Variants in LAMB3 observed in about 807,000 individuals in gnomAD.
LAMB3 encodes laminin subunit beta-3.
LAMB3 carries 104 observed loss-of-function variants against 140.3 expected under a neutral mutation model. The observed-to-expected ratio is 0.74, with a 90% CI of 0.63 to 0.87. The LOEUF (loss-of-function observed/expected upper bound fraction) is 0.87. LAMB3 is among the 40% of genes least tolerant of loss of function. The pLI, the probability that LAMB3 is intolerant of heterozygous loss-of-function variation, is 0.00. For missense variants in LAMB3, 1,531 were observed against 1,575.2 expected (o/e 0.97, Z 0.47); for synonymous variants, 592 against 602.9 (o/e 0.98, Z 0.26).
At chr1:209,615,955 T>C (rs975196456) in intron 22 of LAMB3, among the ~76,000 whole-genome samples, 1 of 152,096 alleles carries the variant, frequency 6.6e-6, no homozygotes, top group Admixed American at 6.5e-5. Flanking sequence ...TCTTCTCCTG[T>C]CCCTATGTCA....
intron 22 of LAMB3, 27 bp downstream of exon 22, chr1:209,616,444 G>A (rs1446124050): frequency 1.2e-6 from 2 of 1,613,614 alleles, no homozygotes; most frequent in Middle Eastern, 1.7e-4. Context: ...ATGCCCAATA[G>A]TCCATGCCCC....
chr1:209,618,155 G>A, intron 19 of LAMB3, 107 bp from the exon 20 acceptor site: 1 of 1,411,404 alleles, frequency 7.1e-7, no homozygotes, highest in Non-Finnish European at 9.9e-7. Context: ...TCCCAGCCAA[G>A]GCAAAGAGCA....
At chr1:209,621,375 T>C (rs1388279462) in intron 18 of LAMB3, among the ~76,000 whole-genome samples, 1 of 152,210 alleles carries the variant, frequency 6.6e-6, no homozygotes, top group African/African-American at 2.4e-5. Context: ...ATGCAAGTCA[T>C]GAGACCTCAG....
intron 22 of LAMB3, among the ~76,000 whole-genome samples, chr1:209,615,825 G>A (rs183517376): frequency 1.4e-4 from 22 of 152,250 alleles, no homozygotes; most frequent in African/African-American, 4.8e-4. Context: ...CAAAGCCCTT[G>A]GATGTGCCCT....
chr1:209,629,606 C>A (rs1666599272), intron 10 of LAMB3, 131 bp downstream of exon 10: 8 of 817,930 alleles, frequency 9.8e-6, no homozygotes, highest in Non-Finnish European at 1.3e-5. Context: ...TCCCACAAAT[C>A]CTGACTCACA....
rs113874240 is a variant in LAMB3, at chr1:209,645,722, G to GGAAA, written c.183+4241_183+4242insTTTC. On this transcript the variant is annotated intron_variant, in intron 3 of 22. Transcript: ENST00000356082. ...CAGAGCAAGACTCTGTGTCCCAGGG[G>GGAAA]AAAAAAAAAAAAAAAAGCAGATATT... 5.5e-3 allele frequency among the ~76,000 whole-genome samples: 761 copies of GGAAA among 137,418 alleles called. 8 individuals are homozygous for GGAAA. Among genetic ancestry groups the GGAAA allele is most frequent in the Non-Finnish European group, 8.2e-3 (517 of 63,024 alleles). 90.2% of individuals were successfully genotyped at this position (137,418 alleles called of 152,430 possible).
At chr1:209,621,546 CA>C (rs1323709284) in intron 18 of LAMB3, among the ~76,000 whole-genome samples, 1 of 152,246 alleles carries the variant, frequency 6.6e-6, no homozygotes, top group Non-Finnish European at 1.5e-5. Context: ...AATAACCTGG[CA>C]GGAACCAGAA....
rs1032383548 is a variant in LAMB3 at position 209,616,552 on chromosome 1, G to C, written c.3301C>G (p.Gln1101Glu). The C allele has an allele frequency of 6.2e-7, 1 of 1,614,076 alleles. No homozygotes were observed. The highest frequency in any genetic ancestry group is 8.5e-7 in the Non-Finnish European group (1 of 1,179,982). ...RLGQSSMLGE[Q>E]GARIQSVKTE... ...TTCACACTCTGGATCCGGGCACCCT[G>C]CTCACCCAGCATGGAACTCTGACCC... The change falls in exon 22 of 23, where the codon CAG becomes GAG. Residue 1101 changes from glutamine to glutamate, a missense_variant. Transcript: ENST00000356082.
At chr1:209,633,739 A>T (rs946586132) in intron 6 of LAMB3, among the ~76,000 whole-genome samples, 1 of 152,226 alleles carries the variant, frequency 6.6e-6, no homozygotes. Context: ...CATGGCCTGC[A>T]TAGAGGGCCC....
In LAMB3 at chr1:209,628,024, C is replaced by G; in HGVS notation, c.1288+11G>C. ...CACCCCACGTCATGCTGGGCCAAGC[C>G]CCCTACTCACGGTGGCAGCCCTGCG... On this transcript the variant is annotated intron_variant, in intron 11 of 22. Transcript: ENST00000356082. 1 of 1,596,606 alleles carries G rather than the reference C, an allele frequency of 6.3e-7. No homozygotes were observed. The highest frequency in any genetic ancestry group is 8.5e-7 in the Non-Finnish European group (1 of 1,170,980).
chr1:209,632,652 G>A lies in LAMB3; in HGVS notation c.753C>T (p.Phe251=). 6.2e-7 allele frequency: 1 copy of A among 1,614,166 alleles called. No individual in the cohort carries two copies. Among genetic ancestry groups the A allele is most frequent in the South Asian group, 1.1e-5 (1 of 91,090 alleles). ...VSQLRLQGSC[F]CHGHADRCAP... is the part of the protein sequence containing the mutation. The stretch of plus-strand genomic sequence containing the variant: ...CGCAGCGATCAGCATGGCCGTGACA[G>A]AAGCAGCTCCCCTGCAGACGGAGCT... The change falls in exon 8 of 23, where the codon TTC becomes TTT. Residue 251 remains phenylalanine, a synonymous_variant. Coordinates refer to ENST00000356082, the MANE Select transcript of LAMB3 (RefSeq NM_000228.3).
In LAMB3 at chr1:209,616,408, G is replaced by A; in HGVS notation, c.3382+63C>T. The A allele has an allele frequency of 1.9e-6, 3 of 1,588,698 alleles. No individual in the cohort carries two copies. The Admixed American group carries it at 5.0e-5, about 26-fold the overall frequency. On this transcript the variant is annotated intron_variant, in intron 22 of 22. Coordinates refer to ENST00000356082, the MANE Select transcript of LAMB3 (RefSeq NM_000228.3). The stretch of plus-strand genomic sequence containing the variant: ...AATAAGAACGGGCTTCAGAAGCCTT[G>A]GGTTGGGTGGGACCAGCCTTCATGA...
At chr1:209,640,483 G>C (rs1333426542) in intron 3 of LAMB3, among the ~76,000 whole-genome samples, 2 of 152,024 alleles carry the variant, frequency 1.3e-5, no homozygotes, top group East Asian at 3.9e-4. Flanking sequence ...GGGAGGCAGA[G>C]GTTGCAGTGA....
rs1174457570 is a variant in LAMB3 at position 209,625,768 on chromosome 1, C to T, written c.1856G>A (p.Gly619Asp). The T allele has an allele frequency of 2.5e-6, 4 of 1,614,048 alleles. No homozygotes were observed. Among genetic ancestry groups the T allele is most frequent in the African/African-American group, 1.3e-5 (1 of 74,942 alleles). Residue 619 changes from glycine (G) to aspartate (D), a missense_variant, in exon 14 of 23, where the codon GGC becomes GAC. By Grantham distance (94) the Gly-to-Asp change is moderately conservative (BLOSUM62 -1). Coordinates refer to ENST00000356082, the MANE Select transcript of LAMB3 (RefSeq NM_000228.3). ...TGCATCTAGGATCCGGGAGGCCAGG[C>T]CACGGTCCTCCAGCCCAGGCCCTGA... ...LWSGPGLEDR[G>D]LASRILDAKS...
rs1024666149 is a variant in LAMB3 at position 209,632,896 on chromosome 1, A to G, written c.629-120T>C. ...CGTGGGCCATCCTCTCCAGACCTCA[A>G]CCATCCCATAGCATCCCACAGACAA... is the stretch of plus-strand genomic sequence containing the variant. On this transcript the variant is annotated intron_variant, in intron 7 of 22. Transcript: ENST00000356082. 16 of 1,092,026 alleles carry G rather than the reference A, an allele frequency of 1.5e-5. No individual in the cohort carries two copies. The African/African-American group carries it at 1.7e-4, about 12-fold the overall frequency. The allele number at this position is 1,092,026 out of a possible 1,614,324, so 67.6% of individuals were successfully genotyped here.
At chr1:209,650,699 G>T (rs149695673) in intron 2 of LAMB3, among the ~76,000 whole-genome samples, 1 of 152,208 alleles carries the variant, frequency 6.6e-6, no homozygotes, top group African/African-American at 2.4e-5. Flanking sequence ...AGAATAAGAA[G>T]ACATTTGGGA....
intron 3 of LAMB3, among the ~76,000 whole-genome samples, chr1:209,646,581 G>T (rs74334523): frequency 6.6e-6 from 1 of 152,166 alleles, no homozygotes; most frequent in Non-Finnish European, 1.5e-5. Context: ...GATTGGCACC[G>T]ATCACCTTGG....
chr1:209,645,965 A>C (rs1197123626), intron 3 of LAMB3, among the ~76,000 whole-genome samples: 1 of 152,204 alleles, frequency 6.6e-6, no homozygotes, highest in Non-Finnish European at 1.5e-5. Flanking sequence ...ATTAGAGAGG[A>C]GGGACTTCCA....
At chr1:209,617,817 A>G in intron 20 of LAMB3, 90 bp downstream of exon 20, 1 of 1,531,530 alleles carries the variant, frequency 6.5e-7, no homozygotes, top group South Asian at 1.1e-5. Flanking sequence ...CTCAGGTTTT[A>G]TCTAGTCACT....
Sources: gnomAD v4.1 joint callset for allele counts (sites outside exome capture counted in the v4.1 genomes callset) on GRCh38, gnomAD v4.1.1 for gene constraint, MANE v1.5 for transcripts, NCBI Gene and HGNC (gene_info 2026-07-23, HGNC 2026-07-21) for gene names.